Variants in AJAP1 observed in about 807,000 individuals in gnomAD.
AJAP1 encodes adherens junction-associated protein 1.
Under a neutral mutation model 35.0 loss-of-function variants are expected in AJAP1, and 5 were observed. The ratio of observed to expected loss-of-function variants is 0.14; its 90% CI spans 0.07 to 0.30. AJAP1 has a LOEUF of 0.30. Among genes scored for constraint, AJAP1 ranks in the 10% least tolerant of loss-of-function variants. AJAP1 has a pLI of 1.00. For missense variants in AJAP1, 586 were observed against 571.0 expected (o/e 1.03, Z -0.27); for synonymous variants, 284 against 249.3 (o/e 1.14, Z -1.31).
intron 2 of AJAP1, among the ~76,000 whole-genome samples, chr1:4,736,333 C>T (rs1640922661): frequency 6.6e-6 from 1 of 152,248 alleles, no homozygotes; most frequent in African/African-American, 2.4e-5. Context: ...ACCGCCTTCT[C>T]CCTTGGCCTC....
chr1:4,684,681 C>T (rs1005179433), intron 1 of AJAP1, among the ~76,000 whole-genome samples: 1 of 152,174 alleles, frequency 6.6e-6, no homozygotes, highest in Admixed American at 6.5e-5. Flanking sequence ...TCAAGACAGA[C>T]ATCTATCCAT....
intron 1 of AJAP1, among the ~76,000 whole-genome samples, chr1:4,669,307 A>G (rs1211059673): frequency 6.6e-6 from 1 of 152,218 alleles, no homozygotes; most frequent in African/African-American, 2.4e-5. Flanking sequence ...CAATTAATAC[A>G]TTCTTATACT....
At chr1:4,753,066 T>C (rs901634194) in intron 2 of AJAP1, among the ~76,000 whole-genome samples, 2 of 126,790 alleles carry the variant, frequency 1.6e-5, no homozygotes, top group African/African-American at 3.4e-5. Context: ...CCAGAGAGCC[T>C]ACCATGAATC....
rs1557626439 is a variant in AJAP1 at position 4,723,663 on chromosome 1, G to A, written c.829+10964G>A. Among the ~76,000 whole-genome samples the A allele has an allele frequency of 2.0e-5, 3 of 152,176 alleles. No individual in the cohort carries two copies. Among genetic ancestry groups the A allele is most frequent in the Admixed American group, 6.5e-5 (1 of 15,276 alleles). On this transcript the variant is annotated intron_variant, in intron 2 of 5. Transcript: ENST00000378191. The surrounding 1 kb of genome is among the most constrained non-coding windows in gnomAD (Gnocchi z 4.3). ...ATGGAAGGGAGACGGGAGGTGAGCC[G>A]CAGATGCAGTGGGTGGAGCTGAATA...
At chr1:4,737,762 T>C (rs1640963010) in intron 2 of AJAP1, among the ~76,000 whole-genome samples, 1 of 152,164 alleles carries the variant, frequency 6.6e-6, no homozygotes, top group Non-Finnish European at 1.5e-5. Context: ...TAGCTGGATG[T>C]AGTGGTGCAT....
chr1:4,749,435 C>T (rs545265327), intron 2 of AJAP1, among the ~76,000 whole-genome samples: 4 of 152,300 alleles, frequency 2.6e-5, no homozygotes, highest in South Asian at 2.1e-4. Context: ...AGACACGAGA[C>T]GCTATGGCCC....
chr1:4,715,786 C>T (rs1640375824), intron 2 of AJAP1, among the ~76,000 whole-genome samples: 1 of 152,226 alleles, frequency 6.6e-6, no homozygotes, highest in South Asian at 2.1e-4. Context: ...ATTCTCCATA[C>T]TTATTCGTTG....
At chr1:4,675,979 G>A (rs917211765) in intron 1 of AJAP1, among the ~76,000 whole-genome samples, 27 of 152,208 alleles carry the variant, frequency 1.8e-4, no homozygotes, top group Admixed American at 1.5e-3. Context: ...GGGCTGGGAC[G>A]CCCACGTTTA....
rs1474880706 is a variant in AJAP1 at position 4,785,385 on chromosome 1, A to G, written c.*2900A>G. 2 of 152,178 alleles carry G rather than the reference A, an allele frequency of 1.3e-5. No individual in the cohort carries two copies. Among genetic ancestry groups the G allele is most frequent in the Admixed American group, 6.5e-5 (1 of 15,284 alleles). 9.4% of individuals were successfully genotyped at this position (152,178 alleles called of 1,614,324 possible). ...ACACAAAGGCTGCTATTTCTGGATGATTGAGGCAGTGTCTGTAGACGTGTT... is the reference window on the plus strand; with the variant it reads ...ACACAAAGGCTGCTATTTCTGGATGGTTGAGGCAGTGTCTGTAGACGTGTT... On this transcript the variant is annotated 3_prime_UTR_variant, in exon 6 of 6. Coordinates refer to ENST00000378191, the MANE Select transcript of AJAP1 (RefSeq NM_018836.4).
intron 1 of AJAP1, among the ~76,000 whole-genome samples, chr1:4,673,564 A>G (rs1639292638): frequency 6.6e-6 from 1 of 152,154 alleles, no homozygotes; most frequent in African/African-American, 2.4e-5. Context: ...CTGCTCCAGC[A>G]TGGGAGCCTC....
chr1:4,754,867 A>G (rs1268477533), intron 2 of AJAP1, among the ~76,000 whole-genome samples: 2 of 87,432 alleles, frequency 2.3e-5, no homozygotes, highest in Non-Finnish European at 6.1e-5. Context: ...CCTCATCTCA[A>G]CCTGGGGCAT....
At chr1:4,729,854 A>T (rs1478830997) in intron 2 of AJAP1, among the ~76,000 whole-genome samples, 1 of 152,208 alleles carries the variant, frequency 6.6e-6, no homozygotes, top group Non-Finnish European at 1.5e-5. Context: ...ATCACCCAGG[A>T]TGAGCTCCTT....
At chr1:4,681,798 G>A (rs1268215263) in intron 1 of AJAP1, among the ~76,000 whole-genome samples, 1 of 152,136 alleles carries the variant, frequency 6.6e-6, no homozygotes, top group Non-Finnish European at 1.5e-5. Context: ...ACCTGATGGG[G>A]CACGGTGGTG....
chr1:4,766,450 C>T (rs940517510), intron 2 of AJAP1, among the ~76,000 whole-genome samples: 2 of 152,166 alleles, frequency 1.3e-5, no homozygotes, highest in Admixed American at 6.5e-5. Context: ...TCTAAGTGAG[C>T]AGCCTACCAA....
intron 1 of AJAP1, among the ~76,000 whole-genome samples, chr1:4,667,200 T>G (rs1458925934): frequency 6.6e-6 from 1 of 152,048 alleles, no homozygotes; most frequent in African/African-American, 2.4e-5. Context: ...ACGTCTGCGG[T>G]CAGTTGCCAT....
At chr1:4,736,986 C>T (rs12407631) in intron 2 of AJAP1, among the ~76,000 whole-genome samples, 16 of 152,276 alleles carry the variant, frequency 1.1e-4, no homozygotes, top group Admixed American at 8.5e-4. Context: ...GCAAGGGCCC[C>T]GCTTAATCCA....
intron 1 of AJAP1, among the ~76,000 whole-genome samples, chr1:4,685,647 A>G (rs1431178386): frequency 1.7e-5 from 1 of 57,616 alleles, no homozygotes; most frequent in Non-Finnish European, 3.2e-5. Flanking sequence ...GGGACCCAAG[A>G]CCAAGACCCT....
chr1:4,668,003 T>A (rs970696042), intron 1 of AJAP1, among the ~76,000 whole-genome samples: 1 of 152,048 alleles, frequency 6.6e-6, no homozygotes, highest in Non-Finnish European at 1.5e-5. Flanking sequence ...AAACTTGAGG[T>A]CAGGAGTTCA....
chr1:4,726,152 C>G (rs1640653438), intron 2 of AJAP1, among the ~76,000 whole-genome samples: 1 of 151,908 alleles, frequency 6.6e-6, no homozygotes, highest in African/African-American at 2.4e-5. Context: ...GAGCTGGGCA[C>G]AGGGGCAGGC....
Sources: allele counts gnomAD v4.1 joint callset (sites outside exome capture counted in the v4.1 genomes callset), GRCh38; gene constraint gnomAD v4.1.1; non-coding constraint Gnocchi (gnomAD v3.1); transcripts MANE v1.5; gene names NCBI Gene and HGNC (gene_info 2026-07-23, HGNC 2026-07-21).